Variants in PNPLA6 observed in about 807,000 individuals in gnomAD.
PNPLA6 encodes patatin like domain 6, lysophospholipase.
In PNPLA6, 105 loss-of-function variants were observed where a neutral mutation model predicts 153.7. The ratio of observed to expected loss-of-function variants is 0.68; its 90% CI spans 0.58 to 0.80. The LOEUF (loss-of-function observed/expected upper bound fraction) is 0.80, where lower values mean the gene tolerates loss of function less well. Ranked by LOEUF, PNPLA6 falls within the 30% of genes least tolerant of loss-of-function variation. PNPLA6 has a pLI of 0.00. For synonymous variants in PNPLA6, 825 were observed against 822.2 expected, an observed-to-expected ratio of 1.00 and a Z score of -0.06; for missense variants, 1,423 against 1,919.3, an observed-to-expected ratio of 0.74 and a Z score of 4.83.
chr19:7,543,170 T>A, intron 13 of PNPLA6, 86 bp downstream of exon 13: 1 of 1,143,300 alleles, frequency 8.7e-7, no homozygotes, highest in East Asian at 2.4e-5. Context: ...CCTTTGACTG[T>A]AAGACCAGCA....
At chr19:7,545,049 C>T (rs534059813) in intron 13 of PNPLA6, among the ~76,000 whole-genome samples, 13 of 151,186 alleles carry the variant, frequency 8.6e-5, no homozygotes, top group Non-Finnish European at 1.5e-4. Flanking sequence ...TTTTCGGAGA[C>T]GGAGTCTTGC....
intron 24 of PNPLA6, among the ~76,000 whole-genome samples, chr19:7,556,146 T>G (rs1599307250): frequency 1.6e-5 from 2 of 128,390 alleles, no homozygotes; most frequent in Non-Finnish European, 3.1e-5. Context: ...CACTGCAACC[T>G]CCACCTCCCA....
chr19:7,541,266 C>T lies in PNPLA6; in HGVS notation c.925-88C>T, dbSNP rs2023124954. On this transcript the variant is annotated intron_variant, in intron 7 of 31. Coordinates refer to ENST00000600737, the MANE Select transcript of PNPLA6 (RefSeq NM_001166114.2). This position sits in a 1 kb window ranked among gnomAD's most constrained non-coding sequence, Gnocchi z 5.2. The stretch of plus-strand genomic sequence containing the variant: ...GGTCTCTCCCTGGTTCCCGCCCGAC[C>T]CCTTATGCTGCGAACTAGCCCGGCC... The T allele has an allele frequency of 2.4e-6, 3 of 1,265,362 alleles. No homozygotes were observed. The highest frequency in any genetic ancestry group is 2.3e-6 in the Non-Finnish European group (2 of 884,172). The allele number at this position is 1,265,362 out of a possible 1,614,324, so 78.4% of individuals were successfully genotyped here. A position where few individuals can be genotyped will look rare whatever the true frequency, so the allele number is the denominator to read the frequency against.
chr19:7,547,366 G>A (rs1480714460), intron 13 of PNPLA6, among the ~76,000 whole-genome samples: 1 of 152,214 alleles, frequency 6.6e-6, no homozygotes, highest in African/African-American at 2.4e-5. Context: ...CTTTGTGGGT[G>A]TGAAGTGTAG....
chr19:7,542,301 C>T (rs2023186707), intron 10 of PNPLA6, among the ~76,000 whole-genome samples: 1 of 152,296 alleles, frequency 6.6e-6, no homozygotes, highest in Non-Finnish European at 1.5e-5. Context: ...TGGCCCATGG[C>T]ACATTGGTAT....
intron 1 of PNPLA6, 26 bp downstream of exon 1, chr19:7,536,046 G>A: frequency 1.3e-6 from 2 of 1,579,336 alleles, no homozygotes; most frequent in Non-Finnish European, 1.7e-6. Context: ...GCCCCTCTTG[G>A]GAGGCTGTAT....
intron 26 of PNPLA6, chr19:7,556,950 C>T (rs773214836): frequency 2.0e-4 from 136 of 689,938 alleles, no homozygotes; most frequent in East Asian, 5.6e-4. Context: ...TTACCCCCCT[C>T]ACGCCATCCC....
chr19:7,549,868 G>C (rs753351665), intron 13 of PNPLA6, 39 bp from the exon 14 acceptor site: 30 of 1,599,396 alleles, frequency 1.9e-5, no homozygotes, highest in Admixed American at 6.7e-5. Context: ...GGTCCACGCT[G>C]TCCGGGTTCT....
At chr19:7,542,955 A>G (rs2023223726) in intron 12 of PNPLA6, 27 bp downstream of exon 12, 1 of 1,613,748 alleles carries the variant, frequency 6.2e-7, no homozygotes. Context: ...AGCTGGGCAC[A>G]GGGCGCAAGG....
intron 11 of PNPLA6, 25 bp from the exon 12 acceptor site, chr19:7,542,736 G>C (rs1389346878): frequency 6.2e-7 from 1 of 1,612,824 alleles, no homozygotes; most frequent in Non-Finnish European, 8.5e-7. Context: ...GGAGCATCAG[G>C]AGGTCACAAG....
chr19:7,558,743 T>A, intron 27 of PNPLA6, 107 bp from the exon 28 acceptor site: 1 of 729,544 alleles, frequency 1.4e-6, no homozygotes, highest in Non-Finnish European at 2.2e-6. Flanking sequence ...TATTCTCTCT[T>A]TTTTTTTTGC....
intron 13 of PNPLA6, among the ~76,000 whole-genome samples, chr19:7,543,763 TAAA>T (rs1055971458): frequency 7.2e-5 from 11 of 151,940 alleles, no homozygotes; most frequent in African/African-American, 2.4e-4. Flanking sequence ...AATGAGGTAA[TAAA>T]GAAGAGATGC....
chr19:7,534,890 A>T (rs2022765339), upstream of PNPLA6: 1 of 157,786 alleles, frequency 6.3e-6, no homozygotes, highest in African/African-American at 2.4e-5. Context: ...GCATCCCAGG[A>T]CTCTTCTGAA....
chr19:7,542,566 C>T lies in PNPLA6; in HGVS notation c.1258C>T (p.Gln420Ter). The change falls in exon 11 of 32, where the codon CAG (glutamine) becomes TAG (stop). Residue 420 changes from glutamine to a stop codon, truncating the protein, a stop_gained. Transcript: ENST00000600737. LOFTEE classifies it high-confidence loss of function. ...GCCCCCCTGCCTGCCTGCAGGCTTG[C>T]AGGGTGGCCCCCGCTCCGACTTCGA... ...VSMPGDISGL[Q>*]GGPRSDFDMA... is the part of the protein sequence containing the mutation. The T allele has an allele frequency of 1.2e-6, 2 of 1,613,342 alleles. No individual in the cohort carries two copies. The highest frequency in any genetic ancestry group is 1.7e-6 in the Non-Finnish European group (2 of 1,179,548).
At chr19:7,560,525 G>C in intron 28 of PNPLA6, 123 bp from the exon 29 acceptor site, 1 of 749,552 alleles carries the variant, frequency 1.3e-6, no homozygotes, top group Non-Finnish European at 2.4e-6. Context: ...TCTGAAATAG[G>C]TTTAGTCTCA....
At chr19:7,558,333 T>G (rs1372979020) in intron 27 of PNPLA6, among the ~76,000 whole-genome samples, 1 of 152,208 alleles carries the variant, frequency 6.6e-6, no homozygotes, top group Non-Finnish European at 1.5e-5. Flanking sequence ...TTTGATTGTA[T>G]AAATAAAGCT....
In PNPLA6 at chr19:7,541,484, C is replaced by T; in HGVS notation, c.1006-38C>T. 2 of 1,612,248 alleles carry T rather than the reference C, an allele frequency of 1.2e-6. No individual in the cohort carries two copies. The highest frequency in any genetic ancestry group is 2.2e-5 in the South Asian group (2 of 90,930). On this transcript the variant is annotated intron_variant, in intron 8 of 31. Transcript: ENST00000600737. This position sits in a 1 kb window ranked among gnomAD's most constrained non-coding sequence, Gnocchi z 5.2. The stretch of plus-strand genomic sequence containing the variant: ...ACAGGGGGGATGGGGGCGAGGTCTC[C>T]CTCCCAGGACAGGCCACAAGCTGTT...
intron 27 of PNPLA6, chr19:7,557,646 T>C: frequency 2.8e-6 from 1 of 354,440 alleles, no homozygotes; most frequent in Non-Finnish European, 5.6e-6. Context: ...TTAACCAGGC[T>C]GGTGGGGTGT....
At chr19:7,553,831 A>G in intron 18 of PNPLA6, 44 bp from the exon 19 acceptor site, 2 of 1,613,666 alleles carry the variant, frequency 1.2e-6, no homozygotes, top group Non-Finnish European at 1.7e-6. Flanking sequence ...ATCTCTCTGG[A>G]CACAGGTTCG....
Sources: gnomAD v4.1 joint callset for allele counts (sites outside exome capture counted in the v4.1 genomes callset) on GRCh38, gnomAD v4.1.1 for gene constraint, Gnocchi (gnomAD v3.1) non-coding constraint, MANE v1.5 for transcripts, NCBI Gene and HGNC (gene_info 2026-07-23, HGNC 2026-07-21) for gene names.